Variants in MAF observed in about 807,000 individuals in gnomAD.
MAF encodes the protein transcription factor Maf.
A neutral mutation model predicts 22.0 loss-of-function variants in MAF; 10 were observed. The observed-to-expected ratio is 0.45, with a 90% CI of 0.28 to 0.77. The LOEUF (loss-of-function observed/expected upper bound fraction) is 0.77, where lower values mean the gene tolerates loss of function less well. Among genes scored for constraint, MAF ranks in the 30% least tolerant of loss-of-function variants. MAF has a pLI of 0.12. For missense variants in MAF, 544 were observed against 548.4 expected (o/e 0.99, Z 0.08); for synonymous variants, 337 against 255.8 (o/e 1.32, Z -3.03).
At chr16:79,460,285 C>T in the MAF span, among the ~76,000 whole-genome samples, 1 of 152,156 alleles carries the variant, frequency 6.6e-6, no homozygotes, top group Non-Finnish European at 1.5e-5. Flanking sequence ...AGATCCTCTA[C>T]TGAGATGTAA....
chr16:79,323,026 T>C, the MAF span, among the ~76,000 whole-genome samples: 2 of 151,278 alleles, frequency 1.3e-5, no homozygotes, highest in Admixed American at 6.6e-5. Context: ...GGCAAGCGCC[T>C]GTAGTCCCAG....
At chr16:79,379,159 C>G in the MAF span, among the ~76,000 whole-genome samples, 1 of 152,132 alleles carries the variant, frequency 6.6e-6, no homozygotes, top group Non-Finnish European at 1.5e-5. Flanking sequence ...AATCCTGGCA[C>G]AAGAATGTTC....
chr16:79,498,750 C>G, the MAF span, among the ~76,000 whole-genome samples: 1 of 152,196 alleles, frequency 6.6e-6, no homozygotes, highest in Non-Finnish European at 1.5e-5. Context: ...ATAACATAAC[C>G]TCTATACTAT....
At chr16:79,420,648 G>A in the MAF span, among the ~76,000 whole-genome samples, 2 of 152,224 alleles carry the variant, frequency 1.3e-5, no homozygotes, top group East Asian at 1.9e-4. Flanking sequence ...GCTGTTGCTC[G>A]GCAGTGCCCC....
downstream of MAF, among the ~76,000 whole-genome samples, chr16:79,593,297 T>G (rs58622029): frequency 6.6e-6 from 1 of 152,036 alleles, no homozygotes; most frequent in Admixed American, 6.5e-5. Flanking sequence ...GAACGTGTCA[T>G]AGGCAACTCT....
At chr16:79,279,652 C>T in the MAF span, among the ~76,000 whole-genome samples, 2 of 152,106 alleles carry the variant, frequency 1.3e-5, no homozygotes, top group Non-Finnish European at 2.9e-5. Context: ...GTGTGAACCC[C>T]CAGAGGGCAA....
At chr16:79,534,717 C>G in the MAF span, among the ~76,000 whole-genome samples, 2 of 151,666 alleles carry the variant, frequency 1.3e-5, no homozygotes, top group South Asian at 4.2e-4. Flanking sequence ...GCACATGTAC[C>G]CTAGAACTTA....
chr16:79,406,090 T>C, the MAF span, among the ~76,000 whole-genome samples: 1 of 152,200 alleles, frequency 6.6e-6, no homozygotes, highest in Non-Finnish European at 1.5e-5. Context: ...ATGCTTTACA[T>C]TGCCTCCCAG....
the MAF span, among the ~76,000 whole-genome samples, chr16:79,447,111 T>C: frequency 6.8e-4 from 104 of 152,120 alleles, no homozygotes; most frequent in Admixed American, 1.4e-3. Flanking sequence ...AGTGACAACA[T>C]GGGTGTCTTT....
the MAF span, among the ~76,000 whole-genome samples, chr16:79,410,947 C>T: frequency 0.37 from 55,776 of 151,850 alleles, 12,195 homozygotes; most frequent in East Asian, 0.85. Context: ...GGGGACCTGA[C>T]CTGAATTTAG....
At chr16:79,508,937 G>T in the MAF span, among the ~76,000 whole-genome samples, 1 of 152,196 alleles carries the variant, frequency 6.6e-6, no homozygotes, top group African/African-American at 2.4e-5. Flanking sequence ...GAACTGTATA[G>T]AGGTGATGTC....
At chr16:79,349,114 C>T in the MAF span, among the ~76,000 whole-genome samples, 3 of 152,214 alleles carry the variant, frequency 2.0e-5, no homozygotes, top group African/African-American at 7.2e-5. Context: ...CTCATAACTT[C>T]AGTGGCGGGG....
At chr16:79,585,684 C>T (rs958912000), downstream of MAF, among the ~76,000 whole-genome samples, 3 of 152,208 alleles carry the variant, frequency 2.0e-5, no homozygotes, top group African/African-American at 7.2e-5. Flanking sequence ...TATCCCTCCT[C>T]TTTGGCACCT....
At chr16:79,589,632 G>A (rs1217311014), downstream of MAF, among the ~76,000 whole-genome samples, 2 of 152,208 alleles carry the variant, frequency 1.3e-5, no homozygotes, top group African/African-American at 4.8e-5. Context: ...AAGGTGAAGG[G>A]CGGAGCCTTG....
At chr16:79,448,056 T>A in the MAF span, among the ~76,000 whole-genome samples, 1 of 152,144 alleles carries the variant, frequency 6.6e-6, no homozygotes, top group Non-Finnish European at 1.5e-5. Context: ...GATGCTATGA[T>A]AACAAAAAAA....
At chr16:79,447,586 T>C in the MAF span, among the ~76,000 whole-genome samples, 3 of 152,124 alleles carry the variant, frequency 2.0e-5, no homozygotes, top group Admixed American at 6.5e-5. Flanking sequence ...GCAAAGTAAA[T>C]TGAAAACCTT....
At chr16:79,589,657 G>A (rs137982109), downstream of MAF, among the ~76,000 whole-genome samples, 352 of 152,334 alleles carry the variant, frequency 2.3e-3, 1 homozygote, top group South Asian at 0.011. Context: ...ACCGAGTCTT[G>A]CTCCCTCCCT....
At chr16:79,274,230 T>C in the MAF span, among the ~76,000 whole-genome samples, 1,763 of 150,502 alleles carry the variant, frequency 0.012, 33 homozygotes, top group African/African-American at 0.041. Context: ...GCCAGGATTA[T>C]AGGCATGAGC....
At chr16:79,390,213 GT>G in the MAF span, among the ~76,000 whole-genome samples, 4 of 151,866 alleles carry the variant, frequency 2.6e-5, no homozygotes, top group Non-Finnish European at 4.4e-5. Context: ...TGAAAGCCGG[GT>G]TTATTTTGGC....
Sources: allele counts gnomAD v4.1 joint callset (sites outside exome capture counted in the v4.1 genomes callset), GRCh38; gene constraint gnomAD v4.1.1; transcripts MANE v1.5; gene names NCBI Gene and HGNC (gene_info 2026-07-23, HGNC 2026-07-21).